Variants in CPNE4 observed in about 807,000 individuals in gnomAD.
CPNE4 encodes copine-4.
In CPNE4, 25 loss-of-function variants were observed where a neutral mutation model predicts 67.9. The observed-to-expected ratio is 0.37, with a 90% CI of 0.27 to 0.51. The LOEUF is 0.51. Among genes scored for constraint, CPNE4 ranks in the 20% least tolerant of loss-of-function variants. The probability of loss-of-function intolerance (pLI) is 0.93; values close to 1 mark genes in which losing one functional copy is unlikely to be tolerated. For missense variants in CPNE4, 464 were observed against 690.8 expected (o/e 0.67, Z 3.68); for synonymous variants, 242 against 244.9 (o/e 0.99, Z 0.11).
chr3:131,680,597 A>G (rs1291124293), intron 6 of CPNE4, among the ~76,000 whole-genome samples: 1 of 152,192 alleles, frequency 6.6e-6, no homozygotes, highest in Admixed American at 6.5e-5. Flanking sequence ...ATAGAAAAAT[A>G]AAAGTATTTC....
intron 7 of CPNE4, among the ~76,000 whole-genome samples, chr3:131,652,689 G>T (rs1474078022): frequency 6.6e-6 from 1 of 151,996 alleles, no homozygotes; most frequent in Non-Finnish European, 1.5e-5. Flanking sequence ...ACACACATGA[G>T]CACTTACATG....
intron 9 of CPNE4, among the ~76,000 whole-genome samples, chr3:131,576,759 G>C (rs1447593144): frequency 6.6e-6 from 1 of 152,010 alleles, no homozygotes; most frequent in East Asian, 1.9e-4. Context: ...GCAAGGCAGG[G>C]TAAGCAGCTA....
intron 1 of CPNE4, among the ~76,000 whole-genome samples, chr3:131,953,258 A>ATAAT: frequency 7.3e-6 from 1 of 136,278 alleles, no homozygotes; most frequent in African/African-American, 2.5e-5. Flanking sequence ...AAAAAAAAAA[A>ATAAT]AAAAAAAAGA....
intron 1 of CPNE4, among the ~76,000 whole-genome samples, chr3:131,972,458 T>A (rs1171457967): frequency 6.6e-6 from 1 of 152,174 alleles, no homozygotes; most frequent in Non-Finnish European, 1.5e-5. Flanking sequence ...AATAAACAGA[T>A]GGCATTATTG....
intron 1 of CPNE4, among the ~76,000 whole-genome samples, chr3:131,918,985 A>G (rs1371633246): frequency 5.3e-5 from 8 of 152,158 alleles, no homozygotes; most frequent in Admixed American, 5.2e-4. Context: ...AGCCGAAGTG[A>G]GAATGCCCAG....
intron 1 of CPNE4, among the ~76,000 whole-genome samples, chr3:131,915,015 C>T (rs1395290829): frequency 6.6e-6 from 1 of 152,092 alleles, no homozygotes; most frequent in Non-Finnish European, 1.5e-5. Flanking sequence ...GCTTTCCTAG[C>T]TACTAATATT....
chr3:131,951,697 C>T (rs909503170), intron 1 of CPNE4, among the ~76,000 whole-genome samples: 19 of 152,120 alleles, frequency 1.2e-4, no homozygotes, highest in Non-Finnish European at 2.6e-4. Flanking sequence ...CGAGTGCCTG[C>T]GACTGCAAGC....
At chr3:131,751,809 G>A (rs551505660) in intron 2 of CPNE4, among the ~76,000 whole-genome samples, 4 of 149,958 alleles carry the variant, frequency 2.7e-5, no homozygotes, top group African/African-American at 9.8e-5. Flanking sequence ...TTTCGACACT[G>A]CTTTTGTAGG....
At position 131,962,813 on chromosome 3, in the gene CPNE4, CA is replaced by C. The variant is rs997054752; in HGVS notation, c.-1-57370del. On this transcript the variant is annotated intron_variant, in intron 1 of 15. Coordinates refer to ENST00000429747, the MANE Select transcript of CPNE4 (RefSeq NM_130808.3). ...GCAGATTCTTAAAAAGTCCCTGATTCAAAAAAAAAATGTTGTTCTATATTGC... is the reference window on the plus strand; with the variant it reads ...GCAGATTCTTAAAAAGTCCCTGATTCAAAAAAAAATGTTGTTCTATATTGC... Among the ~76,000 whole-genome samples the C allele has an allele frequency of 1.4e-4, 21 of 147,988 alleles. No homozygotes were observed. The East Asian group carries it at 2.4e-3, about 17-fold the overall frequency.
At chr3:131,782,475 C>G (rs1470673815) in intron 2 of CPNE4, among the ~76,000 whole-genome samples, 1 of 151,932 alleles carries the variant, frequency 6.6e-6, no homozygotes, top group Non-Finnish European at 1.5e-5. Flanking sequence ...GTAATACACA[C>G]ACACACATGC....
At chr3:131,586,302 A>G (rs1182810689) in intron 8 of CPNE4, among the ~76,000 whole-genome samples, 1 of 152,186 alleles carries the variant, frequency 6.6e-6, no homozygotes, top group Non-Finnish European at 1.5e-5. Context: ...AGGCAAGAAT[A>G]TAAGTGCAAG....
intron 2 of CPNE4, among the ~76,000 whole-genome samples, chr3:131,775,496 G>A (rs1212924527): frequency 1.3e-5 from 2 of 152,050 alleles, no homozygotes; most frequent in Non-Finnish European, 2.9e-5. Context: ...CAATTCCCAT[G>A]TGTTATGGGA....
chr3:131,537,564 T>C, intron 15 of CPNE4: 1 of 252,170 alleles, frequency 4.0e-6, no homozygotes. Flanking sequence ...ATTACAGGCG[T>C]GAGCCACCGC....
At chr3:131,560,071 C>A (rs1052268411) in intron 11 of CPNE4, among the ~76,000 whole-genome samples, 1 of 152,012 alleles carries the variant, frequency 6.6e-6, no homozygotes, top group African/African-American at 2.4e-5. Context: ...CACAATAGTT[C>A]TGTCTCCCTT....
At chr3:131,928,356 C>CA (rs1490800702) in intron 1 of CPNE4, among the ~76,000 whole-genome samples, 8 of 152,132 alleles carry the variant, frequency 5.3e-5, no homozygotes, top group Non-Finnish European at 8.8e-5. Flanking sequence ...GTATTTAACA[C>CA]AAAAGCTTTG....
intron 7 of CPNE4, among the ~76,000 whole-genome samples, chr3:131,638,236 G>T (rs1273910514): frequency 6.6e-6 from 1 of 152,054 alleles, no homozygotes; most frequent in African/African-American, 2.4e-5. Flanking sequence ...CCACTTAAAA[G>T]ATACAGAATG....
rs1935589208 is a variant in CPNE4 at position 131,542,911 on chromosome 3, A to G, written c.1303-118T>C. 1.2e-5 allele frequency: 8 copies of G among 677,574 alleles called. No homozygotes were observed. The South Asian group carries it at 1.4e-4, about 12-fold the overall frequency. The allele number at this position is 677,574 out of a possible 1,614,324, so 42.0% of individuals were successfully genotyped here. A position where few individuals can be genotyped will look rare whatever the true frequency, so the allele number is the denominator to read the frequency against. On this transcript the variant is annotated intron_variant, in intron 14 of 15. Transcript: ENST00000429747. The stretch of plus-strand genomic sequence containing the variant: ...CTGCACATTGACCAAAGCAACAGTG[A>G]TGACAGACATTTTTTGAATGTGCTG...
intron 6 of CPNE4, among the ~76,000 whole-genome samples, chr3:131,677,655 G>A (rs1055902714): frequency 4.6e-5 from 7 of 152,080 alleles, no homozygotes; most frequent in Non-Finnish European, 8.8e-5. Context: ...CATATGACTA[G>A]CCAGTTATCC....
rs1414685242 is a variant in CPNE4, at chr3:131,829,988, G to A, written c.180+75276C>T. Among the ~76,000 whole-genome samples, 3 of 152,256 alleles carry A rather than the reference G, an allele frequency of 2.0e-5. No individual in the cohort carries two copies. The East Asian group carries it at 5.8e-4, about 29-fold the overall frequency. ...CTATGGAAGATTCTAGCAAGAAGTGGTGGTCATAATTCGGATCTACCTGGT... is the reference window on the plus strand; with the variant it reads ...CTATGGAAGATTCTAGCAAGAAGTGATGGTCATAATTCGGATCTACCTGGT... On this transcript the variant is annotated intron_variant, in intron 2 of 15. Coordinates refer to ENST00000429747, the MANE Select transcript of CPNE4 (RefSeq NM_130808.3).
Sources: gnomAD v4.1 joint callset for allele counts (sites outside exome capture counted in the v4.1 genomes callset) on GRCh38, gnomAD v4.1.1 for gene constraint, MANE v1.5 for transcripts, NCBI Gene and HGNC (gene_info 2026-07-23, HGNC 2026-07-21) for gene names.